The following GYPC variants were observed in gnomAD, a reference collection of about 807,000 sequenced individuals.
GYPC encodes glycophorin-C.
Under a neutral mutation model 12.6 loss-of-function variants are expected in GYPC, and 14 were observed. The ratio of observed to expected loss-of-function variants is 1.11; its 90% CI spans 0.74 to 1.74. GYPC has a LOEUF of 1.74. Ranked by LOEUF, GYPC falls within the 40% of genes most tolerant of loss-of-function variation. The pLI is 0.00. For missense variants in GYPC, 225 were observed against 172.1 expected, an observed-to-expected ratio of 1.31 and a Z score of -1.72; for synonymous variants, 78 against 62.1, an observed-to-expected ratio of 1.26 and a Z score of -1.20.
intron 1 of GYPC, among the ~76,000 whole-genome samples, chr2:126,676,680 G>A (rs1159128032): frequency 6.6e-6 from 1 of 152,144 alleles, no homozygotes; most frequent in Non-Finnish European, 1.5e-5. Flanking sequence ...GATGGAGCAG[G>A]AGCTTGCCAG....
chr2:126,685,417 C>T (rs1395567909), intron 1 of GYPC, among the ~76,000 whole-genome samples: 2 of 151,380 alleles, frequency 1.3e-5, no homozygotes, highest in East Asian at 3.9e-4. Context: ...GGGATTCTCA[C>T]TCTGTCGCCC....
chr2:126,687,397 T>A (rs560525766), intron 1 of GYPC, among the ~76,000 whole-genome samples: 6 of 152,284 alleles, frequency 3.9e-5, no homozygotes, highest in African/African-American at 1.4e-4. Context: ...GCCTGAGAAT[T>A]TCTATTTCTA....
intron 1 of GYPC, among the ~76,000 whole-genome samples, chr2:126,668,659 T>A (rs1207677506): frequency 6.6e-6 from 1 of 152,238 alleles, no homozygotes; most frequent in Non-Finnish European, 1.5e-5. Flanking sequence ...AAAAAGAGAC[T>A]GGATACAAAA....
intron 1 of GYPC, among the ~76,000 whole-genome samples, chr2:126,674,060 A>G (rs554700249): frequency 6.6e-6 from 1 of 152,330 alleles, no homozygotes; most frequent in African/African-American, 2.4e-5. Flanking sequence ...CCGGACTCAC[A>G]GGCAGGCTGT....
At chr2:126,686,758 T>C (rs1412658282) in intron 1 of GYPC, 1 of 901,626 alleles carries the variant, frequency 1.1e-6, no homozygotes, top group Non-Finnish European at 1.3e-6. Context: ...GTCTGTCCAA[T>C]CGTTGTGCTG....
intron 1 of GYPC, among the ~76,000 whole-genome samples, chr2:126,681,143 G>C (rs377269163): frequency 1.3e-5 from 2 of 152,090 alleles, no homozygotes; most frequent in Non-Finnish European, 2.9e-5. Flanking sequence ...CTCCTAACCC[G>C]TCTACTTCTT....
At chr2:126,683,113 T>C (rs547046997) in intron 1 of GYPC, among the ~76,000 whole-genome samples, 6 of 151,890 alleles carry the variant, frequency 4.0e-5, no homozygotes, top group African/African-American at 1.4e-4. Flanking sequence ...AAGTCAGGAG[T>C]TCGAGACCAG....
At chr2:126,666,708 TACACACACACACACACACACAC>T (rs67904410) in intron 1 of GYPC, among the ~76,000 whole-genome samples, 11 of 118,422 alleles carry the variant, frequency 9.3e-5, no homozygotes, top group African/African-American at 1.4e-4. Flanking sequence ...CCTCCCTCCC[TACACACACACACACACACACAC>T]ACACACACAC....
At chr2:126,683,766 A>G (rs1683212641) in intron 1 of GYPC, among the ~76,000 whole-genome samples, 1 of 152,202 alleles carries the variant, frequency 6.6e-6, no homozygotes, top group African/African-American at 2.4e-5. Flanking sequence ...TACATCCCAA[A>G]AGCAAGTGAC....
At chr2:126,658,077 T>G (rs578083882) in intron 1 of GYPC, 1 of 152,412 alleles carries the variant, frequency 6.6e-6, no homozygotes, top group South Asian at 2.1e-4. Context: ...GCGTGAGTCA[T>G]GCACAGCAAT....
At chr2:126,685,124 G>A (rs770931311) in intron 1 of GYPC, among the ~76,000 whole-genome samples, 1 of 152,160 alleles carries the variant, frequency 6.6e-6, no homozygotes, top group Non-Finnish European at 1.5e-5. Flanking sequence ...GCCATCAAGG[G>A]CAAGTAAACG....
rs572617546 is a variant in GYPC at position 126,696,235 on chromosome 2, CAGAG to C, written c.*102_*105del. 6.6e-6 allele frequency: 6 copies of C among 907,122 alleles called. No individual in the cohort carries two copies. The highest frequency in any genetic ancestry group is 4.2e-5 in the South Asian group (3 of 71,404). The allele number at this position is 907,122 out of a possible 1,614,324, so 56.2% of individuals were successfully genotyped here. A position where few individuals can be genotyped will look rare whatever the true frequency, so the allele number is the denominator to read the frequency against. ...CAGCACCCCTGCTGATACCACCAGA[CAGAG>C]AGAGAGAGCACTTGATTCTTCCCGA... is the stretch of plus-strand genomic sequence containing the variant. On this transcript the variant is annotated 3_prime_UTR_variant, in exon 4 of 4. Transcript: ENST00000259254.
rs76468654 is a variant in GYPC, at chr2:126,668,617, G to A, written c.49+12305G>A. Among the ~76,000 whole-genome samples, 98 of 152,294 alleles carry A rather than the reference G, an allele frequency of 6.4e-4. 1 individual carries two copies. The East Asian group carries it at 0.017, about 27-fold the overall frequency. ...TGCTATCAAACTTCAGAAGGTTTAC[G>A]CTCAAACTCCAGGAAGAAATCTGAA... is the stretch of plus-strand genomic sequence containing the variant. On this transcript the variant is annotated intron_variant, in intron 1 of 3. Transcript: ENST00000259254.
intron 1 of GYPC, among the ~76,000 whole-genome samples, chr2:126,688,192 C>T (rs1683344965): frequency 1.3e-5 from 2 of 152,090 alleles, no homozygotes; most frequent in South Asian, 2.1e-4. Context: ...AATAACAGTC[C>T]CTTCTAACCC....
At chr2:126,677,405 G>C (rs1683025753) in intron 1 of GYPC, among the ~76,000 whole-genome samples, 1 of 151,566 alleles carries the variant, frequency 6.6e-6, no homozygotes, top group African/African-American at 2.4e-5. Context: ...GTGTGTTAGA[G>C]TGTGTAAGTG....
intron 1 of GYPC, among the ~76,000 whole-genome samples, chr2:126,674,460 G>A (rs28387140): frequency 0.32 from 35,045 of 107,914 alleles, 4,830 homozygotes; most frequent in Non-Finnish European, 0.4. Context: ...ACAAGTGGGG[G>A]GGGAATACAG....
At chr2:126,690,976 G>A (rs1436754999) in intron 2 of GYPC, among the ~76,000 whole-genome samples, 1 of 152,050 alleles carries the variant, frequency 6.6e-6, no homozygotes, top group African/African-American at 2.4e-5. Flanking sequence ...GCAGAAGCAA[G>A]CAATCAAAGA....
intron 1 of GYPC, 86 bp downstream of exon 1, chr2:126,656,398 C>A: frequency 8.3e-7 from 1 of 1,203,630 alleles, no homozygotes. Context: ...CGGCCACGGA[C>A]GCCCTGGTGT....
chr2:126,684,146 G>C (rs1377223460), intron 1 of GYPC, among the ~76,000 whole-genome samples: 1 of 152,174 alleles, frequency 6.6e-6, no homozygotes, highest in Non-Finnish European at 1.5e-5. Context: ...GGGGATTGTT[G>C]GGGGACTGTT....
Sources: allele counts gnomAD v4.1 joint callset (sites outside exome capture counted in the v4.1 genomes callset), GRCh38; gene constraint gnomAD v4.1.1; transcripts MANE v1.5; gene names NCBI Gene and HGNC (gene_info 2026-07-23, HGNC 2026-07-21).